The following SIL1 variants were observed in gnomAD, a reference collection of about 807,000 sequenced individuals.
The protein encoded by SIL1 is nucleotide exchange factor SIL1.
Under a neutral mutation model 49.1 loss-of-function variants are expected in SIL1, and 40 were observed. That is an observed-to-expected ratio of 0.81 (90% CI 0.63 to 1.06). The LOEUF (loss-of-function observed/expected upper bound fraction) is 1.06, where lower values mean the gene tolerates loss of function less well. Among genes scored for constraint, SIL1 ranks in the 50% least tolerant of loss-of-function variants. SIL1 has a pLI of 0.00. For synonymous variants in SIL1, 253 were observed against 250.8 expected (o/e 1.01, Z -0.08); for missense variants, 500 against 572.6 (o/e 0.87, Z 1.29).
intron 7 of SIL1, chr5:139,012,864 A>ACAGGAGGCTGAGG (rs1768314965): frequency 6.6e-6 from 1 of 152,230 alleles, no homozygotes; most frequent in South Asian, 2.1e-4. Context: ...TCTCAGCTAG[A>ACAGGAGGCTGAGG]CAGGAGGCTG....
At chr5:139,162,299 A>C (rs1424767212) in intron 1 of SIL1, among the ~76,000 whole-genome samples, 1 of 152,246 alleles carries the variant, frequency 6.6e-6, no homozygotes, top group Non-Finnish European at 1.5e-5. Context: ...GAACTTAGGG[A>C]GTACTACAAA....
chr5:139,084,268 G>T (rs1186646765), intron 3 of SIL1, among the ~76,000 whole-genome samples: 1 of 148,690 alleles, frequency 6.7e-6, no homozygotes, highest in African/African-American at 2.5e-5. Flanking sequence ...ATTTGACCCA[G>T]CCATCCCATT....
In SIL1 at chr5:139,169,254, A is replaced by G. The variant is rs187772305; in HGVS notation, c.-11+29015T>C. Among the ~76,000 whole-genome samples the G allele has an allele frequency of 1.1e-4, 17 of 152,302 alleles. No individual in the cohort carries two copies. In the East Asian group the frequency reaches 2.9e-3, roughly 26 times the overall value. ...AGTGCAGGCTCAAAAGAGACCTGAG[A>G]AGACCTTAAGTTTACACCTGAGGCT... On this transcript the variant is annotated intron_variant, in intron 1 of 9. Transcript: ENST00000394817.
intron 7 of SIL1, among the ~76,000 whole-genome samples, chr5:138,986,422 C>T (rs1314476617): frequency 6.6e-6 from 1 of 152,228 alleles, no homozygotes; most frequent in African/African-American, 2.4e-5. Flanking sequence ...GCACAAATAC[C>T]TGTAATCTAG....
chr5:139,071,771 G>C (rs891994435), intron 3 of SIL1, among the ~76,000 whole-genome samples: 2 of 150,564 alleles, frequency 1.3e-5, no homozygotes, highest in Admixed American at 1.3e-4. Flanking sequence ...CGGTTCAAGC[G>C]ATTCTCTGCC....
intron 3 of SIL1, among the ~76,000 whole-genome samples, chr5:139,069,761 T>A (rs1255622470): frequency 1.3e-5 from 2 of 152,202 alleles, no homozygotes; most frequent in Non-Finnish European, 2.9e-5. Context: ...CTTGGGCATA[T>A]AAGCAAAAAT....
chr5:139,052,660 G>A (rs1219760125), intron 3 of SIL1, among the ~76,000 whole-genome samples: 2 of 152,056 alleles, frequency 1.3e-5, no homozygotes, highest in African/African-American at 4.8e-5. Context: ...CTCCAGCCTG[G>A]GCAACAGTGC....
chr5:139,046,332 G>GAA (rs36048660), intron 4 of SIL1, among the ~76,000 whole-genome samples: 8 of 150,244 alleles, frequency 5.3e-5, no homozygotes, highest in African/African-American at 9.8e-5. Flanking sequence ...GTCTTATGGG[G>GAA]AAAAAAAAAA....
intron 3 of SIL1, among the ~76,000 whole-genome samples, chr5:139,113,407 C>G (rs1396400773): frequency 6.6e-6 from 1 of 152,058 alleles, no homozygotes; most frequent in African/African-American, 2.4e-5. Flanking sequence ...CCCTCACTGG[C>G]CCCCACCTCT....
intron 7 of SIL1, among the ~76,000 whole-genome samples, chr5:138,983,101 A>T (rs1767564103): frequency 6.9e-6 from 1 of 145,100 alleles, no homozygotes; most frequent in East Asian, 2.2e-4. Flanking sequence ...AGGGGGGCTG[A>T]GGCACGAGAA....
At chr5:139,071,624 A>C (rs939840117) in intron 3 of SIL1, among the ~76,000 whole-genome samples, 2 of 151,842 alleles carry the variant, frequency 1.3e-5, no homozygotes, top group African/African-American at 4.8e-5. Flanking sequence ...TTCTATAATT[A>C]GGATTTTTTT....
rs189057635 is a variant in SIL1, at chr5:138,991,675, C to T, written c.767+29496G>A. Among the ~76,000 whole-genome samples the T allele has an allele frequency of 2.9e-4, 44 of 152,322 alleles. 1 individual carries two copies. The East Asian group carries it at 6.6e-3, about 23-fold the overall frequency. On this transcript the variant is annotated intron_variant, in intron 7 of 9. Coordinates refer to ENST00000394817, the MANE Select transcript of SIL1 (RefSeq NM_022464.5). ...GCCCTCCCTCTATCCTTGACAGATT[C>T]TCCACTTTTAAGTATTGAACTATGG... is the stretch of plus-strand genomic sequence containing the variant.
chr5:139,155,448 T>TGAGAGAGAGAGTGAGA (rs1751387305), intron 1 of SIL1: 1 of 125,910 alleles, frequency 7.9e-6, no homozygotes. Flanking sequence ...GTACACAGAG[T>TGAGAGAGAGAGTGAGA]GAGAGAGAGA....
At chr5:139,082,131 T>C (rs1289815813) in intron 3 of SIL1, among the ~76,000 whole-genome samples, 1 of 152,226 alleles carries the variant, frequency 6.6e-6, no homozygotes, top group Non-Finnish European at 1.5e-5. Flanking sequence ...ATTCCCATTT[T>C]ACAGATGAGA....
chr5:138,961,150 C>T (rs1293991125), intron 7 of SIL1, among the ~76,000 whole-genome samples: 1 of 152,166 alleles, frequency 6.6e-6, no homozygotes, highest in Non-Finnish European at 1.5e-5. Context: ...ACTCTTAAGT[C>T]ACATCTCAAA....
rs1769270398 is a variant in SIL1 at position 139,050,934 on chromosome 5, G to A, written c.353+4C>T. ...CCTCCCAGTCCCTAGGGTTGACACTGTACCTTTTGCCTTTCAAATTATTTC... is the reference window on the plus strand; with the variant it reads ...CCTCCCAGTCCCTAGGGTTGACACTATACCTTTTGCCTTTCAAATTATTTC... On this transcript the variant is annotated splice_donor_region_variant and intron_variant, in intron 4 of 9. Coordinates refer to ENST00000394817, the MANE Select transcript of SIL1 (RefSeq NM_022464.5). 6.2e-7 allele frequency: 1 copy of A among 1,612,080 alleles called. No individual in the cohort carries two copies. Among genetic ancestry groups the A allele is most frequent in the South Asian group, 1.1e-5 (1 of 91,044 alleles).
At chr5:139,109,602 G>A (rs780889693) in intron 3 of SIL1, among the ~76,000 whole-genome samples, 9 of 151,370 alleles carry the variant, frequency 5.9e-5, no homozygotes, top group Admixed American at 2.6e-4. Context: ...ATGGACCATG[G>A]GCTCCAAAAG....
chr5:139,105,795 G>A (rs1385251574), intron 3 of SIL1, among the ~76,000 whole-genome samples: 1 of 152,230 alleles, frequency 6.6e-6, no homozygotes, highest in Non-Finnish European at 1.5e-5. Context: ...AAGGGGTGGA[G>A]AGCACCAGCA....
rs572171959 is a variant in SIL1, at chr5:139,174,666, A to T, written c.-11+23603T>A. Among the ~76,000 whole-genome samples the T allele has an allele frequency of 2.0e-5, 3 of 151,974 alleles. No homozygotes were observed. The East Asian group carries it at 5.8e-4, about 29-fold the overall frequency. On this transcript the variant is annotated intron_variant, in intron 1 of 9. Coordinates refer to ENST00000394817, the MANE Select transcript of SIL1 (RefSeq NM_022464.5). The stretch of plus-strand genomic sequence containing the variant: ...AAAAAACAAAAAAGACTGCAGGGTG[A>T]AGTGGCTCAGCCTGTAATCCCAGCA...
Sources: gnomAD v4.1 joint callset for allele counts (sites outside exome capture counted in the v4.1 genomes callset) on GRCh38, gnomAD v4.1.1 for gene constraint, MANE v1.5 for transcripts, NCBI Gene and HGNC (gene_info 2026-07-23, HGNC 2026-07-21) for gene names.